WAPL: variants seen among roughly 807,000 people sequenced by gnomAD.
WAPL encodes wings apart-like protein homolog.
WAPL carries 5 observed loss-of-function variants against 121.0 expected under a neutral mutation model. That is an observed-to-expected ratio of 0.04 (90% confidence interval 0.02 to 0.09). The LOEUF is 0.09. Among genes scored for constraint, WAPL ranks in the 10% least tolerant of loss-of-function variants. The probability of loss-of-function intolerance (pLI) is 1.00; values close to 1 mark genes in which losing one functional copy is unlikely to be tolerated. For missense variants in WAPL, 999 were observed against 1,410.8 expected (o/e 0.71, Z 4.68); for synonymous variants, 480 against 481.5 (o/e 1.00, Z 0.04).
chr10:86,446,143 A>G (rs937301887), intron 16 of WAPL, 99 bp downstream of exon 16: 9 of 1,323,142 alleles, frequency 6.8e-6, no homozygotes, highest in Non-Finnish European at 9.6e-6. Context: ...CTCAAGCAAT[A>G]GCCAGATTAA....
intron 14 of WAPL, among the ~76,000 whole-genome samples, chr10:86,452,777 T>G (rs561143538): frequency 6.6e-6 from 1 of 151,932 alleles, no homozygotes; most frequent in Non-Finnish European, 1.5e-5. Context: ...CAATAGCTCA[T>G]ACCTGTAATC....
At chr10:86,455,731 A>G (rs186806612) in intron 12 of WAPL, among the ~76,000 whole-genome samples, 1 of 150,656 alleles carries the variant, frequency 6.6e-6, no homozygotes, top group African/African-American at 2.5e-5. Context: ...AAGAAAACAA[A>G]TAAAAATTTG....
intron 16 of WAPL, 134 bp downstream of exon 16, chr10:86,446,108 T>C (rs970400721): frequency 5.3e-6 from 5 of 935,970 alleles, no homozygotes; most frequent in Non-Finnish European, 7.9e-6. Context: ...GTATCAAAGC[T>C]TGTCTGGACT....
chr10:86,455,749 G>A (rs1463385362), intron 12 of WAPL, among the ~76,000 whole-genome samples: 1 of 151,418 alleles, frequency 6.6e-6, no homozygotes, highest in East Asian at 1.9e-4. Flanking sequence ...TTGCTAGCAG[G>A]GTGAGATGGG....
At chr10:86,439,869 G>C (rs577106068) in intron 17 of WAPL, among the ~76,000 whole-genome samples, 1 of 152,362 alleles carries the variant, frequency 6.6e-6, no homozygotes, top group Non-Finnish European at 1.5e-5. Flanking sequence ...AGAAGACATG[G>C]AGGGCAAGTG....
Position 86,472,887 on chromosome 10 carries a change from G to A in WAPL, c.1741-123C>T, listed in dbSNP as rs992137531. On this transcript the variant is annotated intron_variant, in intron 5 of 18. Transcript: ENST00000298767. This position sits in a 1 kb window ranked among gnomAD's most constrained non-coding sequence, Gnocchi z 4.2. The stretch of plus-strand genomic sequence containing the variant: ...AAAGCTTTTTAAAAAGCAGGGAGCA[G>A]GGAGGCCTCTCAAAGGTCTTTAGAA... 2 of 1,021,122 alleles carry A rather than the reference G, an allele frequency of 2.0e-6. No individual in the cohort carries two copies. The highest frequency in any genetic ancestry group is 1.6e-5 in the African/African-American group (1 of 61,404). The allele number at this position is 1,021,122 out of a possible 1,614,324, so 63.3% of individuals were successfully genotyped here.
chr10:86,486,791 C>CA (rs1436085291), intron 4 of WAPL, among the ~76,000 whole-genome samples: 2 of 151,972 alleles, frequency 1.3e-5, no homozygotes, highest in African/African-American at 2.4e-5. Flanking sequence ...CCCATCTCTA[C>CA]AAAAAATACA....
chr10:86,460,269 ACTG>A, intron 11 of WAPL, 127 bp downstream of exon 11: 4 of 690,914 alleles, frequency 5.8e-6, no homozygotes, highest in Non-Finnish European at 9.8e-6. Flanking sequence ...CAAAAAATGT[ACTG>A]CTATTTCTAT....
chr10:86,468,743 C>T lies in WAPL; in HGVS notation c.2143-1237G>A, dbSNP rs745803189. ...CTTTGGGAGGCCAAGGTGGGCAGAT[C>T]ACCTGAGGTAAGGTGATCAAGACCA... On this transcript the variant is annotated intron_variant, in intron 8 of 18. Transcript: ENST00000298767. 5.3e-4 allele frequency among the ~76,000 whole-genome samples: 80 copies of T among 151,858 alleles called. 2 individuals carry two copies. The highest frequency in any genetic ancestry group is 8.8e-5 in the Non-Finnish European group (6 of 67,980).
Position 86,509,691 on chromosome 10 carries a change from G to A in WAPL, c.499+7880C>T, listed in dbSNP as rs1842418149. 5.3e-5 allele frequency among the ~76,000 whole-genome samples: 8 copies of A among 151,876 alleles called. No homozygotes were observed. In the South Asian group the frequency reaches 1.7e-3, roughly 32 times the overall value. ...CTACCATCAGGGGTCTAGGAAAGTT[G>A]AGTACTACTTCCTAAAGGCACAAGT... On this transcript the variant is annotated intron_variant, in intron 2 of 18. Transcript: ENST00000298767.
At chr10:86,497,116 ATTAG>A (rs1426587363) in intron 4 of WAPL, 81 bp downstream of exon 4, 1 of 1,092,040 alleles carries the variant, frequency 9.2e-7, no homozygotes, top group Non-Finnish European at 1.3e-6. Context: ...TATGATGTTT[ATTAG>A]TAACTTTCAA....
chr10:86,446,156 C>T (rs1849612355), intron 16 of WAPL, 86 bp downstream of exon 16: 3 of 1,448,126 alleles, frequency 2.1e-6, no homozygotes, highest in African/African-American at 1.4e-5. Context: ...CAGATTAAGA[C>T]AATCTGCAAA....
chr10:86,444,875 CA>C (rs1407592308), intron 16 of WAPL, among the ~76,000 whole-genome samples: 1 of 22,488 alleles, frequency 4.4e-5, no homozygotes, highest in African/African-American at 1.7e-4. Flanking sequence ...GCTAAAAAAC[CA>C]AAAATGTTAT....
rs41314481 is a variant in WAPL at position 86,472,114 on chromosome 10, A to G, written c.2030+94T>C. 0.058 allele frequency: 74,239 copies of G among 1,275,978 alleles called. 2,538 individuals carry two copies. Among genetic ancestry groups the G allele is most frequent in the Middle Eastern group, 0.077 (281 of 3,656 alleles). The allele number at this position is 1,275,978 out of a possible 1,614,324, so 79.0% of individuals were successfully genotyped here. A position where few individuals can be genotyped will look rare whatever the true frequency, so the allele number is the denominator to read the frequency against. ...GCTATACATACTACCCCATCATAAC[A>G]AAATAAAAAATGTTTGGCTTTTTGG... On this transcript the variant is annotated intron_variant, in intron 7 of 18. Transcript: ENST00000298767. This position sits in a 1 kb window ranked among gnomAD's most constrained non-coding sequence, Gnocchi z 4.2.
intron 8 of WAPL, among the ~76,000 whole-genome samples, chr10:86,468,782 G>A (rs1841460977): frequency 6.6e-6 from 1 of 151,894 alleles, no homozygotes; most frequent in Non-Finnish European, 1.5e-5. Context: ...TGACAACATG[G>A]TGAAACCCCA....
chr10:86,446,510 C>T, intron 15 of WAPL, 61 bp from the exon 16 acceptor site: 1 of 1,496,260 alleles, frequency 6.7e-7, no homozygotes, highest in Non-Finnish European at 9.1e-7. Flanking sequence ...TGCATATATG[C>T]AAATATAAAG....
At chr10:86,467,650 G>T in intron 8 of WAPL, 144 bp from the exon 9 acceptor site, 4 of 575,940 alleles carry the variant, frequency 6.9e-6, no homozygotes, top group Non-Finnish European at 1.1e-5. Flanking sequence ...CTTCAAAAAC[G>T]TTTTATTCAG....
Position 86,453,724 on chromosome 10 carries a change from A to G in WAPL, c.2765T>C (p.Val922Ala). 1 of 1,614,186 alleles carries G rather than the reference A, an allele frequency of 6.2e-7. No individual in the cohort carries two copies. Among genetic ancestry groups the G allele is most frequent in the Non-Finnish European group, 8.5e-7 (1 of 1,180,034 alleles). The change falls in exon 13 of 19, where the codon GTA (valine) becomes GCA (alanine). Residue 922 changes from valine (V) to alanine (A), a missense_variant. Val to Ala is a moderately conservative substitution (Grantham distance 64). Around this residue, in one of 7 missense-constraint regions of WAPL, gnomAD observed 85 missense variants for 133.5 expected, o/e 0.64. Coordinates refer to ENST00000298767, the MANE Select transcript of WAPL (RefSeq NM_015045.5). Reference sequence around the variant, plus strand: ...CATGCAGTCCTCCACTGCTTTGCCTACATGGTTAGTTACATTCTGGTGAGG... The same window carrying G: ...CATGCAGTCCTCCACTGCTTTGCCTGCATGGTTAGTTACATTCTGGTGAGG... Reference protein sequence around the residue: ...PLPHQNVTNHVGKAVEDCMRA... With the variant: ...PLPHQNVTNHAGKAVEDCMRA...
At chr10:86,496,761 T>C (rs1457355442) in intron 4 of WAPL, among the ~76,000 whole-genome samples, 2 of 152,202 alleles carry the variant, frequency 1.3e-5, no homozygotes, top group African/African-American at 4.8e-5. Context: ...ATAAACCAGA[T>C]TCATACAATG....
Sources: gnomAD v4.1 joint callset for allele counts (sites outside exome capture counted in the v4.1 genomes callset) on GRCh38, gnomAD v4.1.1 for gene constraint, gnomAD v4.1.1 regional missense constraint, Gnocchi (gnomAD v3.1) non-coding constraint, MANE v1.5 for transcripts, NCBI Gene and HGNC (gene_info 2026-07-23, HGNC 2026-07-21) for gene names.